The following PEX13 variants were observed in gnomAD, a reference collection of about 807,000 sequenced individuals.
The protein encoded by PEX13 is peroxisome biogenesis factor 13.
Under a neutral mutation model 34.5 loss-of-function variants are expected in PEX13, and 28 were observed. The ratio of observed to expected loss-of-function variants is 0.81; its 90% CI spans 0.60 to 1.11. The LOEUF (loss-of-function observed/expected upper bound fraction) is 1.11, where lower values mean the gene tolerates loss of function less well. Ranked by LOEUF, PEX13 falls within the 50% of genes most tolerant of loss-of-function variation. The pLI is 0.00. For synonymous variants in PEX13, 177 were observed against 175.1 expected (o/e 1.01, Z -0.09); for missense variants, 550 against 491.0 (o/e 1.12, Z -1.13).
At chr2:61,018,830 TG>T (rs1680177717) in intron 1 of PEX13, 1 of 152,248 alleles carries the variant, frequency 6.6e-6, no homozygotes, top group Non-Finnish European at 1.5e-5. Flanking sequence ...TTTTTTTGAG[TG>T]GGTTCTTTTT....
chr2:61,040,386 C>T (rs920759791), intron 2 of PEX13, among the ~76,000 whole-genome samples: 1 of 152,064 alleles, frequency 6.6e-6, no homozygotes, highest in Non-Finnish European at 1.5e-5. Flanking sequence ...CACATATACA[C>T]CATGAAATAC....
chr2:61,026,998 A>G (rs904383586), intron 1 of PEX13, among the ~76,000 whole-genome samples: 13 of 151,198 alleles, frequency 8.6e-5, no homozygotes, highest in Admixed American at 2.0e-4. Context: ...TGTTCCCTCT[A>G]CCTACCACTT....
chr2:61,020,662 T>A (rs1680239961), intron 1 of PEX13, among the ~76,000 whole-genome samples: 1 of 152,216 alleles, frequency 6.6e-6, no homozygotes, highest in Non-Finnish European at 1.5e-5. Context: ...ATTTCATTTT[T>A]ATTTTTGTTT....
In PEX13 at chr2:61,031,906, C is replaced by T. The variant is rs774157693; in HGVS notation, c.580C>T (p.Arg194Trp). ...TAGGACTATACGGTATCTTTACAGACGGCTACAGCGGATGTTAGGTTTAAG... is the reference window on the plus strand; with the variant it reads ...TAGGACTATACGGTATCTTTACAGATGGCTACAGCGGATGTTAGGTTTAAG... ...LVRTIRYLYR[R>W]LQRMLGLRRG... The change falls in exon 2 of 4, where the codon CGG becomes TGG. Residue 194 changes from arginine to tryptophan, a missense_variant. By Grantham distance (101) the Arg-to-Trp change is moderately radical. Coordinates refer to ENST00000295030, the MANE Select transcript of PEX13 (RefSeq NM_002618.4). 3.7e-5 allele frequency: 60 copies of T among 1,613,678 alleles called. No individual in the cohort carries two copies. Among genetic ancestry groups the T allele is most frequent in the African/African-American group, 6.7e-5 (5 of 74,912 alleles).
chr2:61,048,437 A>C, intron 3 of PEX13, 35 bp from the exon 4 acceptor site: 4 of 1,575,618 alleles, frequency 2.5e-6, no homozygotes, highest in Non-Finnish European at 3.5e-6. Context: ...TCCAAAGTAT[A>C]TTGTAATTAC....
chr2:61,022,360 G>A (rs1680279018), intron 1 of PEX13, among the ~76,000 whole-genome samples: 1 of 152,152 alleles, frequency 6.6e-6, no homozygotes, highest in South Asian at 2.1e-4. Flanking sequence ...TGAAAACCAT[G>A]GCACAAGAAC....
At chr2:61,041,487 GT>G (rs1680625424) in intron 2 of PEX13, among the ~76,000 whole-genome samples, 1 of 152,158 alleles carries the variant, frequency 6.6e-6, no homozygotes, top group African/African-American at 2.4e-5. Flanking sequence ...GATGAATGAT[GT>G]AAGGTTCTAC....
chr2:61,034,882 T>G (rs1453125557), intron 2 of PEX13, among the ~76,000 whole-genome samples: 7 of 152,178 alleles, frequency 4.6e-5, no homozygotes, highest in African/African-American at 1.7e-4. Context: ...TCCACCTCTG[T>G]GGGCAGGGCA....
Position 61,048,994 on chromosome 2 carries a change from A to G in PEX13, c.*224A>G. ...GACCATAAGGACATTTGTTTCACCT[A>G]GATTTTAAGATTATGGAGACTGCTG... On this transcript the variant is annotated 3_prime_UTR_variant, in exon 4 of 4. Coordinates refer to ENST00000295030, the MANE Select transcript of PEX13 (RefSeq NM_002618.4). The G allele has an allele frequency of 1.9e-6, 1 of 536,070 alleles. No individual in the cohort carries two copies. The highest frequency in any genetic ancestry group is 3.3e-6 in the Non-Finnish European group (1 of 300,656). 33.2% of individuals were successfully genotyped at this position (536,070 alleles called of 1,614,324 possible).
At chr2:61,025,507 C>T (rs1479243033) in intron 1 of PEX13, among the ~76,000 whole-genome samples, 1 of 151,982 alleles carries the variant, frequency 6.6e-6, no homozygotes, top group Admixed American at 6.6e-5. Context: ...TACAGGCATT[C>T]GCCACCACAC....
chr2:61,042,341 A>G (rs1680638569), intron 2 of PEX13, among the ~76,000 whole-genome samples: 1 of 152,206 alleles, frequency 6.6e-6, no homozygotes, highest in Non-Finnish European at 1.5e-5. Flanking sequence ...TAACTTAGTT[A>G]TAACTTGATA....
In PEX13 at chr2:61,017,733, A is replaced by T; in HGVS notation, c.-27A>T. 6.5e-7 allele frequency: 1 copy of T among 1,540,786 alleles called. No homozygotes were observed. The highest frequency in any genetic ancestry group is 8.8e-7 in the Non-Finnish European group (1 of 1,139,668). On this transcript the variant is annotated 5_prime_UTR_variant, in exon 1 of 4. Transcript: ENST00000295030. ...GCGGGCCTGGACAGTCAGGGGTAGG[A>T]GCGGGAGCCGAGAGGAGGCGGAGGA...
chr2:61,031,378 T>G (rs1327696230), intron 1 of PEX13, 41 bp from the exon 2 acceptor site: 1 of 1,429,984 alleles, frequency 7.0e-7, no homozygotes, highest in South Asian at 1.1e-5. Flanking sequence ...TTGAATTTAT[T>G]GTATGCTTAA....
chr2:61,017,720 A>G lies in PEX13; in HGVS notation c.-40A>G, dbSNP rs1254257951. The G allele has an allele frequency of 1.3e-6, 2 of 1,507,684 alleles. No homozygotes were observed. Among genetic ancestry groups the G allele is most frequent in the East Asian group, 2.5e-5 (1 of 40,788 alleles). 93.4% of individuals were successfully genotyped at this position (1,507,684 alleles called of 1,614,324 possible). ...GGTGCTGGTCTACGCGGGCCTGGACAGTCAGGGGTAGGAGCGGGAGCCGAG... is the reference window on the plus strand; with the variant it reads ...GGTGCTGGTCTACGCGGGCCTGGACGGTCAGGGGTAGGAGCGGGAGCCGAG... On this transcript the variant is annotated 5_prime_UTR_variant, in exon 1 of 4. Transcript: ENST00000295030.
intron 2 of PEX13, among the ~76,000 whole-genome samples, chr2:61,039,026 C>G (rs1406031300): frequency 6.6e-6 from 1 of 152,074 alleles, no homozygotes; most frequent in East Asian, 1.9e-4. Context: ...ACCTAGGAAT[C>G]CAACTTACAA....
intron 1 of PEX13, among the ~76,000 whole-genome samples, chr2:61,027,622 C>CAT (rs1680382166): frequency 2.6e-5 from 4 of 152,202 alleles, no homozygotes; most frequent in African/African-American, 9.6e-5. Flanking sequence ...TTCATTGAAG[C>CAT]CTGCATCTTG....
intron 2 of PEX13, among the ~76,000 whole-genome samples, chr2:61,037,188 G>A (rs969859384): frequency 6.6e-6 from 1 of 152,062 alleles, no homozygotes; most frequent in Non-Finnish European, 1.5e-5. Flanking sequence ...GACTTTAACA[G>A]CCCACTGTCA....
At chr2:61,019,442 A>C (rs1680205008) in intron 1 of PEX13, among the ~76,000 whole-genome samples, 2 of 152,020 alleles carry the variant, frequency 1.3e-5, no homozygotes, top group South Asian at 4.1e-4. Context: ...ATACAGCCAA[A>C]ATTGTCATAT....
intron 1 of PEX13, among the ~76,000 whole-genome samples, chr2:61,024,806 C>G (rs1176136688): frequency 1.3e-5 from 2 of 152,000 alleles, no homozygotes; most frequent in Non-Finnish European, 2.9e-5. Context: ...GAGACTCCAT[C>G]TAAGAACAAA....
Sources: gnomAD v4.1 joint callset for allele counts (sites outside exome capture counted in the v4.1 genomes callset) on GRCh38, gnomAD v4.1.1 for gene constraint, MANE v1.5 for transcripts, NCBI Gene and HGNC (gene_info 2026-07-23, HGNC 2026-07-21) for gene names.